Variants in TTC7A observed in about 807,000 individuals in gnomAD.
TTC7A encodes the protein tetratricopeptide repeat protein 7A.
A neutral mutation model predicts 103.7 loss-of-function variants in TTC7A; 110 were observed. The ratio of observed to expected loss-of-function variants is 1.06; its 90% CI spans 0.91 to 1.24. TTC7A has a LOEUF of 1.24. Among genes scored for constraint, TTC7A ranks in the 50% most tolerant of loss-of-function variants. The pLI, the probability that TTC7A is intolerant of heterozygous loss-of-function variation, is 0.00. For synonymous variants in TTC7A, 521 were observed against 467.9 expected, an observed-to-expected ratio of 1.11 and a Z score of -1.47; for missense variants, 1,340 against 1,116.3, an observed-to-expected ratio of 1.20 and a Z score of -2.86.
chr2:47,049,895 C>A, intron 16 of TTC7A, 54 bp from the exon 17 acceptor site: 2 of 1,369,002 alleles, frequency 1.5e-6, no homozygotes, highest in Non-Finnish European at 2.1e-6. Flanking sequence ...CTCACTGGGC[C>A]CTGTGATGCT....
At chr2:46,942,968 C>T (rs1028904181) in intron 1 of TTC7A, among the ~76,000 whole-genome samples, 1 of 152,020 alleles carries the variant, frequency 6.6e-6, no homozygotes, top group African/African-American at 2.4e-5. Flanking sequence ...TGTAATAGTG[C>T]GATCTCAGCT....
chr2:46,992,945 A>G (rs915926811), intron 5 of TTC7A, among the ~76,000 whole-genome samples: 1 of 152,254 alleles, frequency 6.6e-6, no homozygotes, highest in Non-Finnish European at 1.5e-5. Flanking sequence ...AACTATTTCA[A>G]GGCACAGAGG....
At position 47,020,468 on chromosome 2, in the gene TTC7A, A is replaced by G. The variant is rs544528619; in HGVS notation, c.1393-1394A>G. ...CCATAAGCCCTGGGTTCTCGGGCCTATTGGTGCCAAAGACAGAAACCCAGC... is the reference window on the plus strand; with the variant it reads ...CCATAAGCCCTGGGTTCTCGGGCCTGTTGGTGCCAAAGACAGAAACCCAGC... On this transcript the variant is annotated intron_variant, in intron 11 of 19. Transcript: ENST00000319190. Among the ~76,000 whole-genome samples the G allele has an allele frequency of 2.0e-5, 3 of 152,252 alleles. No individual in the cohort carries two copies. The South Asian group carries it at 6.2e-4, about 32-fold the overall frequency.
chr2:47,034,855 G>T (rs1341967257), intron 15 of TTC7A, among the ~76,000 whole-genome samples: 1 of 152,166 alleles, frequency 6.6e-6, no homozygotes, highest in Non-Finnish European at 1.5e-5. Context: ...CAGAGCCCCG[G>T]AGACCCTCCC....
rs796692307 is a variant in TTC7A, at chr2:47,072,442, C to T, written c.2356-1260C>T. Among the ~76,000 whole-genome samples the T allele has an allele frequency of 2.5e-4, 38 of 152,340 alleles. 1 individual carries two copies. Among genetic ancestry groups the T allele is most frequent in the Non-Finnish European group, 3.5e-4 (24 of 68,026 alleles). ...CCTGAGCGCCATCTTTCACTCCCAC[C>T]GAACTGGTTGTGTTCCAAGCTCTCC... On this transcript the variant is annotated intron_variant, in intron 19 of 19. Coordinates refer to ENST00000319190, the MANE Select transcript of TTC7A (RefSeq NM_020458.4).
chr2:46,986,418 C>G (rs774683724), intron 5 of TTC7A, among the ~76,000 whole-genome samples: 1 of 152,098 alleles, frequency 6.6e-6, no homozygotes, highest in African/African-American at 2.4e-5. Context: ...CTGCGGGGTT[C>G]GAGCTATGGC....
intron 3 of TTC7A, among the ~76,000 whole-genome samples, chr2:46,960,976 T>G (rs1178585889): frequency 1.3e-5 from 2 of 152,220 alleles, no homozygotes; most frequent in Non-Finnish European, 2.9e-5. Flanking sequence ...GGGCTGTTTT[T>G]GGGTATTTGT....
At position 47,046,418 on chromosome 2, in the gene TTC7A, T is replaced by C. The variant is rs759456745; in HGVS notation, c.1906T>C (p.Phe636Leu). The change falls in exon 16 of 20, where the codon TTC becomes CTC. Residue 636 changes from phenylalanine (F) to leucine (L), a missense_variant. Phe to Leu is a conservative substitution (Grantham distance 22). Coordinates refer to ENST00000319190, the MANE Select transcript of TTC7A (RefSeq NM_020458.4). ...GAGGCTGTGGCAGACCCTGTACAGC[T>C]TCTCCCAGCTGGGGTGAGTGGCCGT... ...VLRLWQTLYS[F>L]SQLGGLEKDG... 6.2e-7 allele frequency: 1 copy of C among 1,613,914 alleles called. No individual in the cohort carries two copies. Among genetic ancestry groups the C allele is most frequent in the East Asian group, 2.2e-5 (1 of 44,872 alleles).
intron 15 of TTC7A, among the ~76,000 whole-genome samples, chr2:47,041,697 G>C (rs1171352378): frequency 6.7e-6 from 1 of 150,176 alleles, no homozygotes; most frequent in African/African-American, 2.5e-5. Flanking sequence ...AGGTTGCGGT[G>C]AGCCAAGATT....
intron 14 of TTC7A, among the ~76,000 whole-genome samples, 199 bp downstream of exon 14, chr2:47,024,558 G>A (rs1472149010): frequency 3.9e-5 from 6 of 152,114 alleles, no homozygotes; most frequent in Non-Finnish European, 8.8e-5. Context: ...TAAAGCCGTG[G>A]TGGGTACACA....
At chr2:47,063,788 C>T (rs898450155) in intron 19 of TTC7A, among the ~76,000 whole-genome samples, 2 of 152,368 alleles carry the variant, frequency 1.3e-5, no homozygotes, top group South Asian at 4.1e-4. Flanking sequence ...GGAGCGAGCC[C>T]TCTGAGGTCG....
At chr2:46,929,922 A>G (rs1669601633) in intron 2 of TTC7A, among the ~76,000 whole-genome samples, 1 of 152,182 alleles carries the variant, frequency 6.6e-6, no homozygotes, top group African/African-American at 2.4e-5. Flanking sequence ...CTGCCATGAT[A>G]ATTGTCAATG....
intron 5 of TTC7A, among the ~76,000 whole-genome samples, chr2:46,987,844 T>TGTGTG (rs1558542522): frequency 1.6e-5 from 2 of 125,518 alleles, no homozygotes; most frequent in South Asian, 2.5e-4. Context: ...GTGTGTGTGT[T>TGTGTG]TGTGTGTGTC....
intron 11 of TTC7A, among the ~76,000 whole-genome samples, chr2:47,016,921 G>A (rs1161306106): frequency 2.6e-5 from 4 of 151,876 alleles, no homozygotes; most frequent in African/African-American, 7.3e-5. Context: ...ATTTGAGGCC[G>A]GGCAAGGTGG....
chr2:47,041,710 G>A (rs1360853978), intron 15 of TTC7A, among the ~76,000 whole-genome samples: 1 of 147,938 alleles, frequency 6.8e-6, no homozygotes, highest in Non-Finnish European at 1.5e-5. Context: ...CCAAGATTGC[G>A]CCATTCCACT....
chr2:47,054,098 C>G, intron 18 of TTC7A: 1 of 985,286 alleles, frequency 1.0e-6, no homozygotes, highest in Non-Finnish European at 1.2e-6. Context: ...GATATTCACT[C>G]CACAGAAGAG....
intron 16 of TTC7A, among the ~76,000 whole-genome samples, chr2:47,048,817 G>T (rs1488159827): frequency 2.0e-5 from 3 of 152,070 alleles, no homozygotes; most frequent in African/African-American, 7.2e-5. Context: ...TATCCAAGCT[G>T]TTGTTGAACT....
At chr2:46,951,740 T>C (rs2103976692) in intron 2 of TTC7A, 2 of 447,740 alleles carry the variant, frequency 4.5e-6, no homozygotes. Flanking sequence ...CAAAGTAATA[T>C]ATTCACTTCC....
At chr2:47,019,983 C>T (rs1373728490) in intron 11 of TTC7A, among the ~76,000 whole-genome samples, 1 of 152,168 alleles carries the variant, frequency 6.6e-6, no homozygotes, top group Non-Finnish European at 1.5e-5. Flanking sequence ...CTGGGGTAAC[C>T]ACAGCCACCT....
Sources: gnomAD v4.1 joint callset for allele counts (sites outside exome capture counted in the v4.1 genomes callset) on GRCh38, gnomAD v4.1.1 for gene constraint, MANE v1.5 for transcripts, NCBI Gene and HGNC (gene_info 2026-07-23, HGNC 2026-07-21) for gene names.